The following ATP9A variants were observed in gnomAD, a reference collection of about 807,000 sequenced individuals.
ATP9A encodes probable phospholipid-transporting ATPase IIA.
A neutral mutation model predicts 144.1 loss-of-function variants in ATP9A; 52 were observed. The observed-to-expected ratio is 0.36, with a 90% CI of 0.29 to 0.45. The LOEUF is 0.45. ATP9A is among the 20% of genes least tolerant of loss of function. The pLI, the probability that ATP9A is intolerant of heterozygous loss-of-function variation, is 1.00. For missense variants in ATP9A, 947 were observed against 1,392.7 expected, an observed-to-expected ratio of 0.68 and a Z score of 5.09; for synonymous variants, 582 against 557.4, an observed-to-expected ratio of 1.04 and a Z score of -0.62.
chr20:51,651,422 AT>A (rs1161026901), intron 14 of ATP9A, among the ~76,000 whole-genome samples: 1 of 145,792 alleles, frequency 6.9e-6, no homozygotes, highest in Non-Finnish European at 1.5e-5. Flanking sequence ...AAATATGCAT[AT>A]CATATATTAT....
chr20:51,731,626 G>A (rs1203722683), intron 1 of ATP9A, among the ~76,000 whole-genome samples: 1 of 151,892 alleles, frequency 6.6e-6, no homozygotes, highest in East Asian at 1.9e-4. Flanking sequence ...GGCTGAGGCA[G>A]GAGAATAGCT....
At chr20:51,760,800 G>A (rs935990091) in intron 1 of ATP9A, among the ~76,000 whole-genome samples, 5 of 151,590 alleles carry the variant, frequency 3.3e-5, no homozygotes, top group Middle Eastern at 3.5e-3. Context: ...CGAGGCAGGC[G>A]GATCACAAAG....
chr20:51,647,633 G>C (rs149818696), intron 14 of ATP9A, among the ~76,000 whole-genome samples: 1 of 152,262 alleles, frequency 6.6e-6, no homozygotes, highest in Non-Finnish European at 1.5e-5. Flanking sequence ...AGGAGGCTAA[G>C]GCAGGAGAAT....
At position 51,658,893 on chromosome 20, in the gene ATP9A, G is replaced by C. The variant is rs140209310; in HGVS notation, c.1294-1743C>G. Among the ~76,000 whole-genome samples, 316 of 119,744 alleles carry C rather than the reference G, an allele frequency of 2.6e-3. 78 individuals are homozygous for C. Among genetic ancestry groups the C allele is most frequent in the African/African-American group, 0.011 (306 of 28,932 alleles). The allele number at this position is 119,744 out of a possible 152,430, so 78.6% of individuals were successfully genotyped here. A position where few individuals can be genotyped will look rare whatever the true frequency, so the allele number is the denominator to read the frequency against. ...ATGAAAATTAAGACCACTGGCGGGG[G>C]GGGGGGGGGGAAGGCTCATTGTTGA... On this transcript the variant is annotated intron_variant, in intron 13 of 27. Coordinates refer to ENST00000338821, the MANE Select transcript of ATP9A (RefSeq NM_006045.3).
rs75165659 is a variant in ATP9A, at chr20:51,711,777, A to C, written c.436+1189T>G. Reference sequence around the variant, plus strand: ...TTAAGTTCTAGCATTTAAAATGCACATATCTTGCAAGTGGGGGGTCAGTGA... The same window carrying C: ...TTAAGTTCTAGCATTTAAAATGCACCTATCTTGCAAGTGGGGGGTCAGTGA... On this transcript the variant is annotated intron_variant, in intron 4 of 27. Transcript: ENST00000338821. Among the ~76,000 whole-genome samples, 16 of 138,754 alleles carry C rather than the reference A, an allele frequency of 1.2e-4. 2 individuals are homozygous for C. The highest frequency in any genetic ancestry group is 2.4e-4 in the East Asian group (1 of 4,142). The allele number at this position is 138,754 out of a possible 152,430, so 91.0% of individuals were successfully genotyped here.
At chr20:51,617,369 G>T in intron 22 of ATP9A, 121 bp downstream of exon 22, 2 of 1,044,222 alleles carry the variant, frequency 1.9e-6, no homozygotes, top group South Asian at 1.4e-5. Flanking sequence ...TGTGACACAT[G>T]ATTCCTTATG....
intron 4 of ATP9A, among the ~76,000 whole-genome samples, chr20:51,707,007 A>G (rs779677681): frequency 6.6e-6 from 1 of 152,044 alleles, no homozygotes; most frequent in Non-Finnish European, 1.5e-5. Context: ...AACTTCGCCT[A>G]ATTGGGAACA....
intron 1 of ATP9A, among the ~76,000 whole-genome samples, chr20:51,763,157 G>T (rs576733466): frequency 6.6e-6 from 1 of 152,222 alleles, no homozygotes; most frequent in East Asian, 1.9e-4. Context: ...ATCAGAAAGC[G>T]GATCACTGGT....
rs761556320 is a variant in ATP9A at position 51,608,533 on chromosome 20, G to A, written c.2730C>T (p.Tyr910=). 69 of 1,602,882 alleles carry A rather than the reference G, an allele frequency of 4.3e-5. 1 individual carries two copies. The South Asian group carries it at 7.6e-4, about 18-fold the overall frequency. ...CTAACAGAACCTTGAGAAGATCCTTGTAGAGCTCAGGATACAGCATGGCAA... is the reference window on the plus strand; with the variant it reads ...CTAACAGAACCTTGAGAAGATCCTTATAGAGCTCAGGATACAGCATGGCAA... The part of the protein sequence containing the change: ...SEVAMLYPEL[Y]KDLLKGRPLS... Residue 910 remains tyrosine, a synonymous_variant, in exon 25 of 28, where the codon TAC becomes TAT. Coordinates refer to ENST00000338821, the MANE Select transcript of ATP9A (RefSeq NM_006045.3).
chr20:51,743,265 TTGG>T (rs2077792562), intron 1 of ATP9A, among the ~76,000 whole-genome samples: 2 of 152,146 alleles, frequency 1.3e-5, no homozygotes, highest in African/African-American at 2.4e-5. Context: ...AGCTGTCACG[TTGG>T]TGTTGTGGGT....
intron 2 of ATP9A, among the ~76,000 whole-genome samples, chr20:51,728,116 T>C (rs1439515588): frequency 1.3e-5 from 2 of 152,110 alleles, no homozygotes; most frequent in Admixed American, 6.6e-5. Context: ...CTGTGTCTCG[T>C]TGAGGCTAAG....
chr20:51,602,897 G>A (rs929339442), intron 27 of ATP9A, among the ~76,000 whole-genome samples: 5 of 151,972 alleles, frequency 3.3e-5, no homozygotes, highest in African/African-American at 9.7e-5. Flanking sequence ...TCCTTTATAC[G>A]TAAAAGGTTA....
At chr20:51,654,987 G>GT (rs2077381328) in intron 14 of ATP9A, among the ~76,000 whole-genome samples, 1 of 152,154 alleles carries the variant, frequency 6.6e-6, no homozygotes, top group South Asian at 2.1e-4. Context: ...CTACTCAAAA[G>GT]TATCTCTTGA....
chr20:51,765,737 C>T (rs2077901153), intron 1 of ATP9A, among the ~76,000 whole-genome samples: 1 of 151,718 alleles, frequency 6.6e-6, no homozygotes. Flanking sequence ...AGGTGGATCA[C>T]CTGAGGTCAG....
Position 51,684,892 on chromosome 20 carries a change from T to C in ATP9A, c.799+4172A>G, listed in dbSNP as rs371567969. Reference sequence around the variant, plus strand: ...CTGGCGTAGTGGCAGGCGCCTGTAGTCCCGGCTACTAGGGAGGCTGAGGCA... The same window carrying C: ...CTGGCGTAGTGGCAGGCGCCTGTAGCCCCGGCTACTAGGGAGGCTGAGGCA... On this transcript the variant is annotated intron_variant, in intron 9 of 27. Transcript: ENST00000338821. Among the ~76,000 whole-genome samples the C allele has an allele frequency of 1.5e-4, 22 of 150,260 alleles. No homozygotes were observed. The East Asian group carries it at 4.3e-3, about 29-fold the overall frequency.
intron 18 of ATP9A, among the ~76,000 whole-genome samples, chr20:51,623,798 A>T (rs909971758): frequency 1.9e-4 from 27 of 142,604 alleles, no homozygotes; most frequent in Non-Finnish European, 9.1e-5. Context: ...AAAAAAAAAA[A>T]AAAAAAGAAA....
chr20:51,693,384 A>C (rs1176099834), intron 7 of ATP9A, among the ~76,000 whole-genome samples: 1 of 152,222 alleles, frequency 6.6e-6, no homozygotes, highest in Non-Finnish European at 1.5e-5. Context: ...ACAGGCTGGT[A>C]GGCAGAGGAG....
intron 26 of ATP9A, 145 bp downstream of exon 26, chr20:51,607,382 A>G (rs1180431470): frequency 3.3e-5 from 22 of 671,756 alleles, no homozygotes; most frequent in Non-Finnish European, 5.5e-5. Context: ...ATACAGGGTG[A>G]GCAGGGTCTC....
At chr20:51,734,601 C>A (rs2077755641) in intron 1 of ATP9A, 1 of 152,092 alleles carries the variant, frequency 6.6e-6, no homozygotes, top group African/African-American at 2.4e-5. Context: ...ATCAAGAAAT[C>A]CCAGTCCACG....
Sources: allele counts gnomAD v4.1 joint callset (sites outside exome capture counted in the v4.1 genomes callset), GRCh38; gene constraint gnomAD v4.1.1; transcripts MANE v1.5; gene names NCBI Gene and HGNC (gene_info 2026-07-23, HGNC 2026-07-21).